The following GRIP1 variants were observed in gnomAD, a reference collection of about 807,000 sequenced individuals.
GRIP1 encodes glutamate receptor interacting protein 1.
A neutral mutation model predicts 129.9 loss-of-function variants in GRIP1; 45 were observed. The ratio of observed to expected loss-of-function variants is 0.35; its 90% CI spans 0.27 to 0.44. The LOEUF (loss-of-function observed/expected upper bound fraction) is 0.44, where lower values mean the gene tolerates loss of function less well. GRIP1 is among the 20% of genes least tolerant of loss of function. The probability of loss-of-function intolerance (pLI) is 1.00; values close to 1 mark genes in which losing one functional copy is unlikely to be tolerated. For missense variants in GRIP1, 1,196 were observed against 1,396.8 expected, an observed-to-expected ratio of 0.86 and a Z score of 2.29; for synonymous variants, 530 against 520.8, an observed-to-expected ratio of 1.02 and a Z score of -0.24.
At chr12:66,938,566 T>C (rs1047818552) in intron 1 of GRIP1, among the ~76,000 whole-genome samples, 1 of 152,024 alleles carries the variant, frequency 6.6e-6, no homozygotes, top group African/African-American at 2.4e-5. Flanking sequence ...TGTAAGGAAT[T>C]CTGCAGATTT....
intron 1 of GRIP1, among the ~76,000 whole-genome samples, chr12:66,751,765 T>C (rs1484397211): frequency 6.6e-6 from 1 of 152,226 alleles, no homozygotes; most frequent in Middle Eastern, 3.2e-3. Flanking sequence ...TAAATAGATT[T>C]AGGTTTGTGT....
chr12:66,958,353 G>A (rs1049761624), intron 1 of GRIP1, among the ~76,000 whole-genome samples: 2 of 152,054 alleles, frequency 1.3e-5, no homozygotes, highest in African/African-American at 4.8e-5. Flanking sequence ...GGCTGGTCTT[G>A]AACTCCTTAC....
chr12:66,704,600 C>T (rs2035465436), intron 1 of GRIP1, among the ~76,000 whole-genome samples: 1 of 152,000 alleles, frequency 6.6e-6, no homozygotes, highest in South Asian at 2.1e-4. Flanking sequence ...ATTAAGTGTT[C>T]CCAAGCACTC....
At chr12:66,803,605 G>T (rs567144083) in intron 1 of GRIP1, among the ~76,000 whole-genome samples, 6 of 152,276 alleles carry the variant, frequency 3.9e-5, no homozygotes, top group African/African-American at 1.4e-4. Context: ...CAACACCTGA[G>T]ATTAATCACA....
At chr12:66,571,919 A>G (rs2062973022) in intron 2 of GRIP1, among the ~76,000 whole-genome samples, 1 of 152,224 alleles carries the variant, frequency 6.6e-6, no homozygotes, top group Non-Finnish European at 1.5e-5. Flanking sequence ...TGAGGCACAC[A>G]TGGTTCTTCA....
At chr12:66,979,234 A>AC (rs1417776059) in intron 1 of GRIP1, among the ~76,000 whole-genome samples, 4 of 98,522 alleles carry the variant, frequency 4.1e-5, no homozygotes, top group Admixed American at 1.1e-4. Flanking sequence ...AAAAAAAAAA[A>AC]AAAAAAAAAA....
rs189325550 is a variant in GRIP1, at chr12:66,430,794, G to T, written c.1768+1754C>A. ...TAAAATTTGAGAGTAAAATAACTGT[G>T]TGGCAGTGGTGATAAAGCTTCTGAG... is the stretch of plus-strand genomic sequence containing the variant. On this transcript the variant is annotated intron_variant, in intron 14 of 24. Coordinates refer to ENST00000359742, the MANE Select transcript of GRIP1 (RefSeq NM_001366722.1). Among the ~76,000 whole-genome samples, 186 of 152,310 alleles carry T rather than the reference G, an allele frequency of 1.2e-3. 4 individuals carry two copies. Among genetic ancestry groups the T allele is most frequent in the African/African-American group, 4.4e-3 (181 of 41,562 alleles).
chr12:67,008,577 G>A (rs1372862356), intron 1 of GRIP1, among the ~76,000 whole-genome samples: 1 of 152,096 alleles, frequency 6.6e-6, no homozygotes, highest in Non-Finnish European at 1.5e-5. Context: ...GAGAGGATGG[G>A]ATCTGAACTC....
At chr12:66,519,919 C>G (rs2060951472) in intron 5 of GRIP1, among the ~76,000 whole-genome samples, 1 of 152,224 alleles carries the variant, frequency 6.6e-6, no homozygotes, top group Admixed American at 6.5e-5. Flanking sequence ...CTCATCTCTT[C>G]TGGCTTGCTT....
chr12:67,059,547 T>C (rs1318640802), intron 1 of GRIP1, among the ~76,000 whole-genome samples: 1 of 152,224 alleles, frequency 6.6e-6, no homozygotes, highest in Non-Finnish European at 1.5e-5. Context: ...GGAAAACCCT[T>C]GAGAAATTAG....
chr12:66,923,279 G>A (rs1419685028), intron 1 of GRIP1, among the ~76,000 whole-genome samples: 5 of 152,156 alleles, frequency 3.3e-5, no homozygotes, highest in Admixed American at 6.5e-5. Flanking sequence ...TGGGAAAGTC[G>A]AGGCTGCAGT....
At chr12:66,434,661 C>T (rs192524349) in intron 13 of GRIP1, among the ~76,000 whole-genome samples, 4 of 152,350 alleles carry the variant, frequency 2.6e-5, no homozygotes. Flanking sequence ...ATTTTCCAAT[C>T]TATGCCTTTC....
At chr12:66,756,070 T>C (rs1056403519) in intron 1 of GRIP1, among the ~76,000 whole-genome samples, 1 of 152,170 alleles carries the variant, frequency 6.6e-6, no homozygotes, top group Admixed American at 6.5e-5. Flanking sequence ...CATCTTAACC[T>C]TATTTAAGTG....
intron 1 of GRIP1, among the ~76,000 whole-genome samples, chr12:66,837,234 A>T (rs1489848184): frequency 6.6e-6 from 1 of 152,244 alleles, no homozygotes; most frequent in South Asian, 2.1e-4. Context: ...AACATAAATA[A>T]GACACTGTTC....
At chr12:66,853,920 A>C (rs2039958151) in intron 1 of GRIP1, among the ~76,000 whole-genome samples, 1 of 152,066 alleles carries the variant, frequency 6.6e-6, no homozygotes, top group South Asian at 2.1e-4. Context: ...AGATACTAAA[A>C]ATAGGTTATT....
intron 1 of GRIP1, among the ~76,000 whole-genome samples, chr12:66,606,700 A>T (rs1169018567): frequency 1.3e-5 from 2 of 152,198 alleles, no homozygotes; most frequent in Admixed American, 1.3e-4. Flanking sequence ...AATAGGTTGC[A>T]TGGCAAATCT....
chr12:66,643,055 T>C (rs1281393532), intron 1 of GRIP1, among the ~76,000 whole-genome samples: 1 of 152,056 alleles, frequency 6.6e-6, no homozygotes, highest in African/African-American at 2.4e-5. Context: ...TAAACACAGA[T>C]ACCAATTATT....
intron 7 of GRIP1, among the ~76,000 whole-genome samples, chr12:66,478,487 C>T (rs188291849): frequency 2.0e-5 from 3 of 151,710 alleles, no homozygotes; most frequent in East Asian, 1.9e-4. Context: ...TCAGGGATCT[C>T]GAACTAGAAA....
chr12:67,023,194 A>G (rs762935952), intron 1 of GRIP1, among the ~76,000 whole-genome samples: 22 of 152,174 alleles, frequency 1.4e-4, no homozygotes, highest in Non-Finnish European at 2.5e-4. Context: ...CTTATCTAAG[A>G]AATTTTTGCC....
Sources: gnomAD v4.1 joint callset for allele counts (sites outside exome capture counted in the v4.1 genomes callset) on GRCh38, gnomAD v4.1.1 for gene constraint, MANE v1.5 for transcripts, NCBI Gene and HGNC (gene_info 2026-07-23, HGNC 2026-07-21) for gene names.